MYO6: variants seen among roughly 807,000 people sequenced by gnomAD.
The protein encoded by MYO6 is unconventional myosin-VI.
A neutral mutation model predicts 178.7 loss-of-function variants in MYO6; 74 were observed. That is an observed-to-expected ratio of 0.41 (90% CI 0.34 to 0.50). The LOEUF (loss-of-function observed/expected upper bound fraction) is 0.50, where lower values mean the gene tolerates loss of function less well. MYO6 is among the 20% of genes least tolerant of loss of function. The pLI, the probability that MYO6 is intolerant of heterozygous loss-of-function variation, is 0.09. For synonymous variants in MYO6, 477 were observed against 504.6 expected (o/e 0.95, Z 0.73); for missense variants, 1,330 against 1,547.4 (o/e 0.86, Z 2.36).
At chr6:75,753,628 A>G (rs981022547) in intron 1 of MYO6, among the ~76,000 whole-genome samples, 4 of 151,750 alleles carry the variant, frequency 2.6e-5, no homozygotes, top group Non-Finnish European at 4.4e-5. Flanking sequence ...TGCCTGGCTA[A>G]CTTTTTTGTG....
chr6:75,871,305 A>C (rs1777122252), intron 19 of MYO6, among the ~76,000 whole-genome samples: 1 of 152,214 alleles, frequency 6.6e-6, no homozygotes, highest in African/African-American at 2.4e-5. Context: ...GCTGGAGTGC[A>C]GTGGTGCAAT....
rs182769281 is a variant in MYO6, at chr6:75,766,741, T to G, written c.-48+17318T>G. 4.9e-3 allele frequency among the ~76,000 whole-genome samples: 746 copies of G among 152,334 alleles called. 4 individuals carry two copies. The highest frequency in any genetic ancestry group is 0.034 in the Middle Eastern group (10 of 294). On this transcript the variant is annotated intron_variant, in intron 1 of 34. Coordinates refer to ENST00000369977, the MANE Select transcript of MYO6 (RefSeq NM_004999.4). Reference sequence around the variant, plus strand: ...TAAAGGACAGTCTTCTTTCAATTTATGTGTTATTGTATGCTTTTTAGTCAG... The same window carrying G: ...TAAAGGACAGTCTTCTTTCAATTTAGGTGTTATTGTATGCTTTTTAGTCAG...
At chr6:75,836,929 C>G (rs1325212248) in intron 7 of MYO6, among the ~76,000 whole-genome samples, 1 of 152,170 alleles carries the variant, frequency 6.6e-6, no homozygotes, top group Non-Finnish European at 1.5e-5. Context: ...TCATATTGCT[C>G]TCAACATCAT....
chr6:75,887,100 A>G (rs1280706446), intron 25 of MYO6, 106 bp downstream of exon 25: 6 of 1,084,538 alleles, frequency 5.5e-6, no homozygotes, highest in Non-Finnish European at 8.2e-6. Context: ...TCAAAATTAC[A>G]AAATGTGTTG....
chr6:75,818,222 T>G (rs1771486044), intron 2 of MYO6, among the ~76,000 whole-genome samples: 1 of 152,174 alleles, frequency 6.6e-6, no homozygotes, highest in South Asian at 2.1e-4. Context: ...AGACATAAAC[T>G]AGACAGCATT....
intron 22 of MYO6, among the ~76,000 whole-genome samples, chr6:75,880,448 C>G (rs924632155): frequency 2.2e-4 from 33 of 152,318 alleles, no homozygotes; most frequent in African/African-American, 7.9e-4. Context: ...ACATAAAATA[C>G]ACCAACACTA....
chr6:75,794,919 A>G (rs180757393), intron 1 of MYO6, among the ~76,000 whole-genome samples: 2 of 152,308 alleles, frequency 1.3e-5, no homozygotes, highest in East Asian at 3.9e-4. Context: ...CCTTCAATGC[A>G]AAGAAATTCA....
intron 12 of MYO6, among the ~76,000 whole-genome samples, chr6:75,856,804 G>A (rs1775757361): frequency 6.6e-6 from 1 of 152,044 alleles, no homozygotes; most frequent in Non-Finnish European, 1.5e-5. Context: ...CAAAAGGGAG[G>A]TTATTCCTTT....
chr6:75,818,074 A>G (rs1280047), intron 2 of MYO6, among the ~76,000 whole-genome samples: 40,308 of 152,116 alleles, frequency 0.26, 7,870 homozygotes, highest in African/African-American at 0.55. Context: ...ATGTGGAGAT[A>G]TCAGATTTTG....
intron 2 of MYO6, among the ~76,000 whole-genome samples, chr6:75,818,512 A>G (rs533453724): frequency 2.0e-5 from 3 of 152,336 alleles, no homozygotes; most frequent in South Asian, 4.1e-4. Context: ...TTTAATAAGT[A>G]TGCCTGTTAA....
chr6:75,754,631 T>G (rs1777192783), intron 1 of MYO6, among the ~76,000 whole-genome samples: 1 of 151,752 alleles, frequency 6.6e-6, no homozygotes, highest in Non-Finnish European at 1.5e-5. Flanking sequence ...TGAACATCTT[T>G]TTCAACAGAT....
Position 75,835,954 on chromosome 6 carries a change from A to G in MYO6, c.551A>G (p.Glu184Gly). The G allele has an allele frequency of 6.2e-7, 1 of 1,603,998 alleles. No homozygotes were observed. Among genetic ancestry groups the G allele is most frequent in the Non-Finnish European group, 8.5e-7 (1 of 1,170,854 alleles). Residue 184 changes from glutamate to glycine, a missense_variant and splice_region_variant, in exon 7 of 35, where the codon GAA (glutamate) becomes GGA (glycine). Around this residue, in one of 3 missense-constraint regions of MYO6, gnomAD observed 613 missense variants for 816.8 expected, o/e 0.75. Coordinates refer to ENST00000369977, the MANE Select transcript of MYO6 (RefSeq NM_004999.4). ...CAAGATATTGATGACAGAATTGTTG[A>G]AGGTATTGCTAATTTTTCAGTTGTT... ...TGQDIDDRIV[E>G]ANPLLEAFGN...
intron 23 of MYO6, among the ~76,000 whole-genome samples, chr6:75,882,660 A>G (rs1458549169): frequency 6.6e-6 from 1 of 152,210 alleles, no homozygotes; most frequent in Non-Finnish European, 1.5e-5. Context: ...GGATTTGAGA[A>G]ACGTATAAAA....
chr6:75,830,534 T>C lies in MYO6; in HGVS notation c.380T>C (p.Val127Ala), dbSNP rs762363536. 6.2e-7 allele frequency: 1 copy of C among 1,611,376 alleles called. No homozygotes were observed. Among genetic ancestry groups the C allele is most frequent in the Middle Eastern group, 1.7e-4 (1 of 6,046 alleles). ...TCTCTTGGGACAAGACCACCTCATG[T>C]CTTTGCAATTGGTAAGTGATTTTAA... is the stretch of plus-strand genomic sequence containing the variant. ...GKSLGTRPPH[V>A]FAIADKAFRD... Residue 127 changes from valine to alanine, a missense_variant, in exon 5 of 35, where the codon GTC becomes GCC. Coordinates refer to ENST00000369977, the MANE Select transcript of MYO6 (RefSeq NM_004999.4).
chr6:75,862,664 A>G lies in MYO6; in HGVS notation c.1615A>G (p.Ser539Gly), dbSNP rs1221610116. ...TGAAGAAAATCGCCTTCCCCAGCCA[A>G]GTGATCAACACTTTACATCTGCAGT... ...LDEENRLPQP[S>G]DQHFTSAVHQ... The change falls in exon 16 of 35, where the codon AGT becomes GGT. Residue 539 changes from serine (S) to glycine (G), a missense_variant. This residue lies in a region of MYO6 where 613 missense variants were observed against 816.8 expected (regional missense o/e 0.75). Coordinates refer to ENST00000369977, the MANE Select transcript of MYO6 (RefSeq NM_004999.4). 2 of 1,614,018 alleles carry G rather than the reference A, an allele frequency of 1.2e-6. No homozygotes were observed. The highest frequency in any genetic ancestry group is 2.2e-5 in the South Asian group (2 of 91,088).
chr6:75,805,907 TAGTG>T (rs1209025908), intron 1 of MYO6, among the ~76,000 whole-genome samples: 2 of 152,180 alleles, frequency 1.3e-5, no homozygotes, highest in East Asian at 1.9e-4. Flanking sequence ...ATTTCCCTTA[TAGTG>T]AGTGAGTATC....
chr6:75,905,567 C>T (rs1043358690), intron 30 of MYO6, among the ~76,000 whole-genome samples: 1 of 152,244 alleles, frequency 6.6e-6, no homozygotes, highest in Non-Finnish European at 1.5e-5. Context: ...ATGCCTCGCC[C>T]TGCTTTGGCT....
chr6:75,836,893 C>A (rs1371627531), intron 7 of MYO6, among the ~76,000 whole-genome samples: 3 of 152,120 alleles, frequency 2.0e-5, no homozygotes, highest in African/African-American at 7.2e-5. Context: ...GGAATAATTT[C>A]TTTTGCTTTA....
intron 14 of MYO6, among the ~76,000 whole-genome samples, chr6:75,860,044 T>C (rs1195144279): frequency 6.6e-6 from 1 of 152,216 alleles, no homozygotes; most frequent in Non-Finnish European, 1.5e-5. Context: ...AGCCATCAAG[T>C]CAGGAGATTT....
Sources: allele counts gnomAD v4.1 joint callset (sites outside exome capture counted in the v4.1 genomes callset), GRCh38; gene constraint gnomAD v4.1.1; regional missense constraint gnomAD v4.1.1; transcripts MANE v1.5; gene names NCBI Gene and HGNC (gene_info 2026-07-23, HGNC 2026-07-21).